IL3RA: variants seen among roughly 807,000 people sequenced by gnomAD.
The protein encoded by IL3RA is interleukin 3 receptor subunit alpha, also known as interleukin-3 receptor subunit alpha.
A neutral mutation model predicts 52.3 loss-of-function variants in IL3RA; 73 were observed. The ratio of observed to expected loss-of-function variants is 1.40; its 90% CI spans 1.16 to 1.70. The LOEUF is 1.70. IL3RA is among the 40% of genes most tolerant of loss of function. The pLI, the probability that IL3RA is intolerant of heterozygous loss-of-function variation, is 0.00. For missense variants in IL3RA, 664 were observed against 504.4 expected (o/e 1.32, Z -3.03); for synonymous variants, 260 against 194.0 (o/e 1.34, Z -2.83).
In IL3RA at chrX:1,382,505, C is replaced by T. The variant is rs753894262; in HGVS notation, c.*40C>T. 29 of 1,590,874 alleles carry T rather than the reference C, an allele frequency of 1.8e-5. No individual in the cohort carries two copies. The highest frequency in any genetic ancestry group is 2.5e-5 in the Non-Finnish European group (29 of 1,158,848). ...GCTTGTGGGGGTCTGCCTCAATCTC[C>T]CTGGCCGGGCCAGGCGCCTGCACAG... On this transcript the variant is annotated 3_prime_UTR_variant, in exon 12 of 12. Transcript: ENST00000331035.
chrX:1,360,412 C>G (rs1175932457), intron 8 of IL3RA, among the ~76,000 whole-genome samples: 1 of 151,246 alleles, frequency 6.6e-6, no homozygotes, highest in African/African-American at 2.4e-5. Flanking sequence ...GTCTCTGTCT[C>G]TCCCTCTTTC....
chrX:1,346,405 C>T (rs2085744597), intron 3 of IL3RA, among the ~76,000 whole-genome samples: 1 of 151,838 alleles, frequency 6.6e-6, no homozygotes, highest in Admixed American at 6.6e-5. Context: ...TGCCACTGCA[C>T]TCCAGCCTGG....
intron 3 of IL3RA, among the ~76,000 whole-genome samples, chrX:1,346,078 G>A (rs2085729240): frequency 6.6e-6 from 1 of 151,874 alleles, no homozygotes; most frequent in African/African-American, 2.4e-5. Context: ...ACTTTGGGAG[G>A]CTGAGGCGGG....
intron 4 of IL3RA, among the ~76,000 whole-genome samples, chrX:1,351,891 A>C (rs2086101148): frequency 6.6e-6 from 1 of 151,962 alleles, no homozygotes; most frequent in Admixed American, 6.6e-5. Context: ...CGGCCTCCCA[A>C]AGTGCTGGGA....
At chrX:1,379,612 G>A (rs1318074048) in intron 10 of IL3RA, among the ~76,000 whole-genome samples, 3 of 152,226 alleles carry the variant, frequency 2.0e-5, no homozygotes, top group East Asian at 1.9e-4. Context: ...CCTGCCCAGC[G>A]GGCCTGACAC....
At chrX:1,356,704 G>T (rs757166640) in intron 7 of IL3RA, among the ~76,000 whole-genome samples, 1 of 151,878 alleles carries the variant, frequency 6.6e-6, no homozygotes, top group Non-Finnish European at 1.5e-5. Flanking sequence ...CCCAGGAGGT[G>T]GGGGTTGCAG....
intron 7 of IL3RA, among the ~76,000 whole-genome samples, chrX:1,356,844 G>T (rs1326240151): frequency 1.3e-5 from 2 of 151,838 alleles, no homozygotes; most frequent in South Asian, 2.1e-4. Flanking sequence ...TTGTTATGTG[G>T]TTTTTTAATT....
chrX:1,381,064 T>C lies in IL3RA; in HGVS notation c.1022T>C (p.Met341Thr), dbSNP rs1250717362. Residue 341 changes from methionine (M) to threonine (T), a missense_variant, in exon 11 of 12, where the codon ATG becomes ACG. Physicochemically the swap from Met to Thr is moderately conservative, Grantham distance 81 (BLOSUM62 -1). Coordinates refer to ENST00000331035, the MANE Select transcript of IL3RA (RefSeq NM_002183.4). ...MQRLFPRIPH[M>T]KDPIGDSFQN... Reference sequence around the variant, plus strand: ...AGACTCTTTCCCCGCATCCCTCACATGAAAGACCCCATCGGTGACAGCTTC... The same window carrying C: ...AGACTCTTTCCCCGCATCCCTCACACGAAAGACCCCATCGGTGACAGCTTC... 6.2e-7 allele frequency: 1 copy of C among 1,613,778 alleles called. No individual in the cohort carries two copies. Among genetic ancestry groups the C allele is most frequent in the Non-Finnish European group, 8.5e-7 (1 of 1,179,778 alleles).
intron 6 of IL3RA, among the ~76,000 whole-genome samples, chrX:1,353,423 A>G (rs2086280766): frequency 1.4e-5 from 2 of 143,364 alleles, no homozygotes; most frequent in Non-Finnish European, 3.0e-5. Flanking sequence ...ATCATGGGTC[A>G]TGGGAACCTC....
intron 10 of IL3RA, 67 bp downstream of exon 10, chrX:1,378,831 A>G: frequency 7.3e-7 from 1 of 1,361,842 alleles, no homozygotes; most frequent in Non-Finnish European, 1.0e-6. Context: ...TATTCACAGA[A>G]CCATCCTGAG....
At chrX:1,341,014 G>A (rs1347810429) in intron 1 of IL3RA, among the ~76,000 whole-genome samples, 1 of 152,148 alleles carries the variant, frequency 6.6e-6, no homozygotes, top group Non-Finnish European at 1.5e-5. Context: ...CTACTCGGGA[G>A]GCTGAGGCAG....
At chrX:1,378,248 C>T (rs1406098726) in intron 9 of IL3RA, among the ~76,000 whole-genome samples, 2 of 150,006 alleles carry the variant, frequency 1.3e-5, no homozygotes, top group Admixed American at 6.6e-5. Context: ...CCATGATAAA[C>T]ACAAAATCAA....
At chrX:1,343,403 G>A (rs1211436233) in intron 2 of IL3RA, among the ~76,000 whole-genome samples, 6 of 151,936 alleles carry the variant, frequency 3.9e-5, no homozygotes, top group South Asian at 2.1e-4. Context: ...AACGGCTCAC[G>A]TCTGTAATCC....
At chrX:1,353,097 G>A (rs1407131498) in intron 6 of IL3RA, among the ~76,000 whole-genome samples, 1 of 150,348 alleles carries the variant, frequency 6.7e-6, no homozygotes, top group Admixed American at 6.6e-5. Flanking sequence ...CCCCTATCAT[G>A]GGTTCCATCA....
Position 1,341,778 on chromosome X carries a change from T to G in IL3RA, c.13T>G (p.Trp5Gly). Residue 5 changes from tryptophan (W) to glycine (G), a missense_variant, in exon 2 of 12, where the codon TGG becomes GGG. Trp to Gly is a radical substitution (Grantham distance 184, BLOSUM62 -2). Transcript: ENST00000331035. ...AGCTGCGTTCCCGATGGTCCTCCTT[T>G]GGCTCACGCTGCTCCTGATCGCCCT... MVLL[W>G]LTLLLIALPC... The G allele has an allele frequency of 6.2e-7, 1 of 1,613,936 alleles. No individual in the cohort carries two copies.
In IL3RA at chrX:1,382,634, G is replaced by C. The variant is rs1441904408; in HGVS notation, c.*169G>C. ...TTTCGTCCGAAGCTGCCAGGAAGAA[G>C]AACAGAACTTTGTGTGTTTATTTCA... On this transcript the variant is annotated 3_prime_UTR_variant, in exon 12 of 12. Coordinates refer to ENST00000331035, the MANE Select transcript of IL3RA (RefSeq NM_002183.4). The C allele has an allele frequency of 2.6e-5, 17 of 656,594 alleles. No homozygotes were observed. Among genetic ancestry groups the C allele is most frequent in the Admixed American group, 1.4e-4 (5 of 36,534 alleles). 40.7% of individuals were successfully genotyped at this position (656,594 alleles called of 1,614,324 possible).
intron 11 of IL3RA, among the ~76,000 whole-genome samples, chrX:1,381,381 G>C (rs1319305880): frequency 6.6e-6 from 1 of 152,094 alleles, no homozygotes; most frequent in African/African-American, 2.4e-5. Context: ...TGGGCGACAA[G>C]AGTGAAATGG....
At chrX:1,342,569 T>C (rs1159428027) in intron 2 of IL3RA, among the ~76,000 whole-genome samples, 3 of 149,426 alleles carry the variant, frequency 2.0e-5, no homozygotes, top group Middle Eastern at 7.1e-3. Flanking sequence ...CTTTTTTTTT[T>C]TTTTTTTTGA....
intron 3 of IL3RA, among the ~76,000 whole-genome samples, chrX:1,348,172 C>T (rs1188626455): frequency 6.6e-6 from 1 of 150,410 alleles, no homozygotes; most frequent in South Asian, 2.1e-4. Flanking sequence ...CATGGTGAAA[C>T]CCTGTCTCTA....
Sources: allele counts gnomAD v4.1 joint callset (sites outside exome capture counted in the v4.1 genomes callset), GRCh38; gene constraint gnomAD v4.1.1; transcripts MANE v1.5; gene names NCBI Gene and HGNC (gene_info 2026-07-23, HGNC 2026-07-21).